Variants in OVCH2 observed in about 807,000 individuals in gnomAD.
OVCH2 encodes ovochymase 2.
A neutral mutation model predicts 73.7 loss-of-function variants in OVCH2; 88 were observed. That is an observed-to-expected ratio of 1.19 (90% confidence interval 1.01 to 1.43). The LOEUF is 1.43. Ranked by LOEUF, OVCH2 falls within the 40% of genes most tolerant of loss-of-function variation. The pLI is 0.00. For missense variants in OVCH2, 706 were observed against 674.5 expected (o/e 1.05, Z -0.52); for synonymous variants, 265 against 234.5 (o/e 1.13, Z -1.19).
At chr11:7,703,888 A>G in intron 2 of OVCH2, 99 bp from the exon 3 acceptor site, 1 of 901,882 alleles carries the variant, frequency 1.1e-6, no homozygotes, top group South Asian at 1.4e-5. Flanking sequence ...CAGATATCAC[A>G]CTCGTAAATG....
chr11:7,700,540 T>G, intron 6 of OVCH2, 55 bp from the exon 7 acceptor site: 1 of 1,525,918 alleles, frequency 6.6e-7, no homozygotes. Flanking sequence ...TGCCCCAAAA[T>G]GCTCACTGTT....
At chr11:7,692,630 G>C (rs908634275) in intron 12 of OVCH2, among the ~76,000 whole-genome samples, 1 of 152,196 alleles carries the variant, frequency 6.6e-6, no homozygotes, top group African/African-American at 2.4e-5. Context: ...TGGGCTCGGA[G>C]TCAAATGTAG....
intron 5 of OVCH2, 74 bp from the exon 6 acceptor site, chr11:7,701,549 T>A: frequency 6.5e-7 from 1 of 1,541,760 alleles, no homozygotes; most frequent in Middle Eastern, 1.7e-4. Context: ...ATCATTTGTG[T>A]TTGTGTCGCT....
chr11:7,687,262 AT>A (rs527885056), downstream of OVCH2, among the ~76,000 whole-genome samples: 58 of 151,486 alleles, frequency 3.8e-4, no homozygotes, highest in Admixed American at 9.2e-4. Flanking sequence ...TGTCAAAAAA[AT>A]ATGATGTTAC....
the OVCH2 span, among the ~76,000 whole-genome samples, chr11:7,682,199 A>C: frequency 6.6e-6 from 1 of 152,226 alleles, no homozygotes; most frequent in Non-Finnish European, 1.5e-5. Flanking sequence ...GGAGAAGAAA[A>C]AATCTCGGAA....
At chr11:7,700,105 T>A in intron 7 of OVCH2, 191 bp downstream of exon 7, 1 of 584,278 alleles carries the variant, frequency 1.7e-6, no homozygotes, top group East Asian at 2.8e-5. Flanking sequence ...AATATCTGCA[T>A]GCTGCTCCAC....
At position 7,698,741 on chromosome 11, in the gene OVCH2, G is replaced by C. The variant is rs1213255343; in HGVS notation, c.925+9C>G. 3 of 1,611,798 alleles carry C rather than the reference G, an allele frequency of 1.9e-6. No homozygotes were observed. The highest frequency in any genetic ancestry group is 2.2e-5 in the East Asian group (1 of 44,864). On this transcript the variant is annotated intron_variant, in intron 8 of 15. Coordinates refer to ENST00000533663, the MANE Select transcript of OVCH2 (RefSeq NM_198185.7). ...GCTCCTGATGGAGCAGCCTGCAAGGGATACCCACCTCTGGAGCTCTTTCTC... is the reference window on the plus strand; with the variant it reads ...GCTCCTGATGGAGCAGCCTGCAAGGCATACCCACCTCTGGAGCTCTTTCTC...
chr11:7,701,887 C>A, intron 4 of OVCH2, 76 bp from the exon 5 acceptor site: 1 of 1,276,880 alleles, frequency 7.8e-7, no homozygotes. Context: ...CACTTGGTAT[C>A]CAGGTGGTCC....
chr11:7,691,476 A>G lies in OVCH2; in HGVS notation c.1508-76T>C, dbSNP rs999211741. 55 of 1,509,326 alleles carry G rather than the reference A, an allele frequency of 3.6e-5. No individual in the cohort carries two copies. In the African/African-American group the frequency reaches 7.3e-4, roughly 20 times the overall value. The allele number at this position is 1,509,326 out of a possible 1,614,324, so 93.5% of individuals were successfully genotyped here. A position where few individuals can be genotyped will look rare whatever the true frequency, so the allele number is the denominator to read the frequency against. The stretch of plus-strand genomic sequence containing the variant: ...CCATGGCATTGGAGAGAAGAAAAAA[A>G]GAAAATCATCCTTCAGGTAATTGTT... On this transcript the variant is annotated intron_variant, in intron 13 of 15. Transcript: ENST00000533663.
At chr11:7,691,542 A>C in intron 13 of OVCH2, 142 bp from the exon 14 acceptor site, 1 of 1,142,544 alleles carries the variant, frequency 8.8e-7, no homozygotes, top group Non-Finnish European at 1.2e-6. Flanking sequence ...AAATAAAGGC[A>C]GCTCACTCCT....
Position 7,695,575 on chromosome 11 carries a change from A to G in OVCH2, c.1277T>C (p.Ile426Thr), listed in dbSNP as rs749724520. 1.9e-6 allele frequency: 3 copies of G among 1,612,770 alleles called. No homozygotes were observed. The highest frequency in any genetic ancestry group is 1.7e-6 in the Non-Finnish European group (2 of 1,179,036). Reference protein sequence around the residue: ...LTYKALKPNYIPDSGCSYLTV... With the variant: ...LTYKALKPNYTPDSGCSYLTV... ...TTAAAAGTAAATGGTTTTACCAGGAATGTAGTTTGGTTTAAGAGCTTTATA... is the reference window on the plus strand; with the variant it reads ...TTAAAAGTAAATGGTTTTACCAGGAGTGTAGTTTGGTTTAAGAGCTTTATA... Residue 426 changes from isoleucine (I) to threonine (T), a missense_variant, in exon 11 of 16, where the codon ATT (isoleucine) becomes ACT (threonine). By Grantham distance (89) the Ile-to-Thr change is moderately conservative. Transcript: ENST00000533663.
At chr11:7,704,445 A>G in intron 2 of OVCH2, 120 bp downstream of exon 2, 4 of 624,448 alleles carry the variant, frequency 6.4e-6, no homozygotes, top group Non-Finnish European at 8.4e-6. Flanking sequence ...CATGATGACT[A>G]TTCTGTCTTT....
downstream of OVCH2, among the ~76,000 whole-genome samples, chr11:7,688,207 G>C (rs1387584736): frequency 6.6e-6 from 1 of 151,490 alleles, no homozygotes; most frequent in African/African-American, 2.4e-5. Context: ...GGCTTCTTTT[G>C]GGTTGCAACT....
intron 7 of OVCH2, 61 bp downstream of exon 7, chr11:7,700,235 G>T: frequency 6.5e-7 from 1 of 1,528,072 alleles, no homozygotes; most frequent in African/African-American, 1.4e-5. Flanking sequence ...GGACTCTGCT[G>T]ATGCTGTCTC....
intron 7 of OVCH2, chr11:7,699,890 G>A (rs1856402798): frequency 1.3e-5 from 2 of 159,440 alleles, no homozygotes; most frequent in Admixed American, 1.2e-4. Context: ...TGTCCCTGGG[G>A]ACAAAATTGC....
At chr11:7,703,636 G>C in intron 3 of OVCH2, 62 bp downstream of exon 3, 1 of 1,324,376 alleles carries the variant, frequency 7.6e-7, no homozygotes, top group Non-Finnish European at 1.0e-6. Context: ...GGTTATTGCT[G>C]ATGATTCCAA....
At chr11:7,680,026 G>A in the OVCH2 span, among the ~76,000 whole-genome samples, 6 of 149,518 alleles carry the variant, frequency 4.0e-5, no homozygotes, top group Non-Finnish European at 7.4e-5. Context: ...TGTGTTCTTC[G>A]GAATATGCTT....
At chr11:7,693,721 G>T (rs922302455) in intron 12 of OVCH2, among the ~76,000 whole-genome samples, 4 of 152,242 alleles carry the variant, frequency 2.6e-5, no homozygotes, top group Middle Eastern at 6.8e-3. Context: ...TATACCAACT[G>T]CCTCTGTATC....
At chr11:7,679,022 A>ATT in the OVCH2 span, among the ~76,000 whole-genome samples, 1 of 152,200 alleles carries the variant, frequency 6.6e-6, no homozygotes, top group Non-Finnish European at 1.5e-5. Flanking sequence ...TAAGTGTTTA[A>ATT]TCTTGAAAAT....
Sources: allele counts gnomAD v4.1 joint callset (sites outside exome capture counted in the v4.1 genomes callset), GRCh38; gene constraint gnomAD v4.1.1; transcripts MANE v1.5; gene names NCBI Gene and HGNC (gene_info 2026-07-23, HGNC 2026-07-21).